The following RRS1 variants were observed in gnomAD, a reference collection of about 807,000 sequenced individuals.
RRS1 encodes regulator of ribosome synthesis 1, also known as ribosome biogenesis regulatory protein homolog.
Under a neutral mutation model 23.1 loss-of-function variants are expected in RRS1, and 10 were observed. The ratio of observed to expected loss-of-function variants is 0.43; its 90% CI spans 0.27 to 0.74. The LOEUF (loss-of-function observed/expected upper bound fraction) is 0.74, where lower values mean the gene tolerates loss of function less well. Ranked by LOEUF, RRS1 falls within the 30% of genes least tolerant of loss-of-function variation. The pLI, the probability that RRS1 is intolerant of heterozygous loss-of-function variation, is 0.19. For missense variants in RRS1, 485 were observed against 484.3 expected, an observed-to-expected ratio of 1.00 and a Z score of -0.01; for synonymous variants, 198 against 207.7, an observed-to-expected ratio of 0.95 and a Z score of 0.40.
chr8:66,429,559 G>C lies in RRS1; in HGVS notation c.428G>C (p.Arg143Pro), dbSNP rs756408282. ...WDEVSGQWRR[R>P]WGYQRARDDT... ...GAGGTGAGTGGCCAGTGGCGGCGGC[G>C]CTGGGGCTACCAGCGCGCCCGGGAC... is the stretch of plus-strand genomic sequence containing the variant. Residue 143 changes from arginine to proline, a missense_variant, in exon 1 of 1, where the codon CGC becomes CCC. Physicochemically the swap from Arg to Pro is moderately radical, Grantham distance 103. Coordinates refer to ENST00000320270, the MANE Select transcript of RRS1 (RefSeq NM_015169.4). The surrounding 1 kb of genome is among the most constrained non-coding windows in gnomAD (Gnocchi z 5.1). 8.7e-6 allele frequency: 14 copies of C among 1,608,512 alleles called. No homozygotes were observed. The African/African-American group carries it at 1.9e-4, about 22-fold the overall frequency.
Position 66,429,966 on chromosome 8 carries a change from A to G in RRS1, c.835A>G (p.Lys279Glu). 6.2e-7 allele frequency: 1 copy of G among 1,614,134 alleles called. No individual in the cohort carries two copies. Among genetic ancestry groups the G allele is most frequent in the Non-Finnish European group, 8.5e-7 (1 of 1,180,012 alleles). The change falls in exon 1 of 1, where the codon AAG becomes GAG. Residue 279 changes from lysine to glutamate, a missense_variant. Physicochemically the swap from Lys to Glu is moderately conservative, Grantham distance 56. Transcript: ENST00000320270. This position sits in a 1 kb window ranked among gnomAD's most constrained non-coding sequence, Gnocchi z 5.1. ...LELLRVMNSK[K>E]PQLDVTRATN... The stretch of plus-strand genomic sequence containing the variant: ...GCTGCTTCGTGTCATGAACAGCAAG[A>G]AGCCTCAGCTGGATGTGACTAGGGC...
rs1805198256 is a variant in RRS1, at chr8:66,430,230, T to G, written c.*1T>G. Reference sequence around the variant, plus strand: ...CCCAGGAGGAAAGAGGAGGAAGTAATAGTTTCTAACTGTCGGACCCGTCTG... The same window carrying G: ...CCCAGGAGGAAAGAGGAGGAAGTAAGAGTTTCTAACTGTCGGACCCGTCTG... On this transcript the variant is annotated 3_prime_UTR_variant, in exon 1 of 1. Coordinates refer to ENST00000320270, the MANE Select transcript of RRS1 (RefSeq NM_015169.4). 6.2e-7 allele frequency: 1 copy of G among 1,613,798 alleles called. No homozygotes were observed. Among genetic ancestry groups the G allele is most frequent in the African/African-American group, 1.3e-5 (1 of 74,872 alleles).
Position 66,430,352 on chromosome 8 carries a change from AGG to A in RRS1, c.*124_*125del. On this transcript the variant is annotated 3_prime_UTR_variant, in exon 1 of 1. Coordinates refer to ENST00000320270, the MANE Select transcript of RRS1 (RefSeq NM_015169.4). ...CTGCCTTCATTGAGTTTAAAGGGAC[AGG>A]ATTGCCCTTCCGTCAAGAAAGTATG... The A allele has an allele frequency of 9.7e-7, 1 of 1,034,324 alleles. No homozygotes were observed. Among genetic ancestry groups the A allele is most frequent in the Non-Finnish European group, 1.4e-6 (1 of 697,298 alleles). 64.1% of individuals were successfully genotyped at this position (1,034,324 alleles called of 1,614,324 possible).
At position 66,429,920 on chromosome 8, in the gene RRS1, C is replaced by G. The variant is rs947615308; in HGVS notation, c.789C>G (p.Ala263=). The G allele has an allele frequency of 1.9e-6, 3 of 1,613,936 alleles. No homozygotes were observed. The highest frequency in any genetic ancestry group is 2.5e-6 in the Non-Finnish European group (3 of 1,180,002). The change falls in exon 1 of 1, where the codon GCC becomes GCG. Residue 263 remains alanine, a synonymous_variant. Coordinates refer to ENST00000320270, the MANE Select transcript of RRS1 (RefSeq NM_015169.4). The surrounding 1 kb of genome is among the most constrained non-coding windows in gnomAD (Gnocchi z 5.1). The stretch of plus-strand genomic sequence containing the variant: ...AACCCCTTTTCGGGGACTTTGCAGC[C>G]GAGAAAAAGAACCAGTTGGAGCTGC... ...KFQPLFGDFA[A]EKKNQLELLR...
In RRS1 at chr8:66,429,042, G is replaced by A; in HGVS notation, c.-90G>A. ...TTCCGGATTGGGCATCCCGGCATCT[G>A]CACGTGGTTATGCTGCCGGAGTTTG... On this transcript the variant is annotated 5_prime_UTR_variant, in exon 1 of 1. Transcript: ENST00000320270. This position sits in a 1 kb window ranked among gnomAD's most constrained non-coding sequence, Gnocchi z 5.1. 2.7e-6 allele frequency: 4 copies of A among 1,503,544 alleles called. No homozygotes were observed. Among genetic ancestry groups the A allele is most frequent in the East Asian group, 4.6e-5 (2 of 43,516 alleles). 93.1% of individuals were successfully genotyped at this position (1,503,544 alleles called of 1,614,324 possible). A position where few individuals can be genotyped will look rare whatever the true frequency, so the allele number is the denominator to read the frequency against.
At position 66,429,423 on chromosome 8, in the gene RRS1, C is replaced by A. The variant is rs959600407; in HGVS notation, c.292C>A (p.Arg98Ser). Residue 98 changes from arginine (R) to serine (S), a missense_variant, in exon 1 of 1, where the codon CGC (arginine) becomes AGC (serine). Transcript: ENST00000320270. The surrounding 1 kb of genome is among the most constrained non-coding windows in gnomAD (Gnocchi z 5.1). ...IVARLPEPTT[R>S]LPREKPLPRP... ...GGCGCGGCTGCCGGAGCCCACCACA[C>A]GCCTGCCGCGAGAGAAGCCTCTGCC... The A allele has an allele frequency of 2.6e-6, 4 of 1,551,796 alleles. No homozygotes were observed. In the Admixed American group the frequency reaches 5.9e-5, roughly 23 times the overall value.
At position 66,429,267 on chromosome 8, in the gene RRS1, C is replaced by A. The variant is rs777583115; in HGVS notation, c.136C>A (p.Pro46Thr). 6.3e-7 allele frequency: 1 copy of A among 1,586,812 alleles called. No homozygotes were observed. Among genetic ancestry groups the A allele is most frequent in the South Asian group, 1.1e-5 (1 of 88,120 alleles). ...CAACCTGCTGGCGTCGGACCGGAAC[C>A]CCCCGACCGGGCTGCGGTGCGCCGG... is the stretch of plus-strand genomic sequence containing the variant. ...LGNLLASDRN[P>T]PTGLRCAGPT... Residue 46 changes from proline (P) to threonine (T), a missense_variant, in exon 1 of 1, where the codon CCC (proline) becomes ACC (threonine). By Grantham distance (38) the Pro-to-Thr change is conservative. Transcript: ENST00000320270. The surrounding 1 kb of genome is among the most constrained non-coding windows in gnomAD (Gnocchi z 5.1).
Position 66,429,021 on chromosome 8 carries a change from G to A in RRS1, c.-111G>A, listed in dbSNP as rs1434004681. 3.4e-6 allele frequency: 5 copies of A among 1,453,786 alleles called. No individual in the cohort carries two copies. The highest frequency in any genetic ancestry group is 4.6e-6 in the Non-Finnish European group (5 of 1,085,344). 90.1% of individuals were successfully genotyped at this position (1,453,786 alleles called of 1,614,324 possible). A position where few individuals can be genotyped will look rare whatever the true frequency, so the allele number is the denominator to read the frequency against. On this transcript the variant is annotated 5_prime_UTR_variant, in exon 1 of 1. Coordinates refer to ENST00000320270, the MANE Select transcript of RRS1 (RefSeq NM_015169.4). This position sits in a 1 kb window ranked among gnomAD's most constrained non-coding sequence, Gnocchi z 5.1. ...CTCCGGAAGCGAACCTTTCTTTTCC[G>A]GATTGGGCATCCCGGCATCTGCACG...
At position 66,429,723 on chromosome 8, in the gene RRS1, A is replaced by G. The variant is rs995866327; in HGVS notation, c.592A>G (p.Lys198Glu). ...NRLRNLARAH[K>E]MQLPSAAGLH... Reference sequence around the variant, plus strand: ...GCTGCGTAACCTGGCCCGCGCGCACAAGATGCAGCTGCCCAGCGCGGCCGG... The same window carrying G: ...GCTGCGTAACCTGGCCCGCGCGCACGAGATGCAGCTGCCCAGCGCGGCCGG... Residue 198 changes from lysine (K) to glutamate (E), a missense_variant, in exon 1 of 1, where the codon AAG becomes GAG. Coordinates refer to ENST00000320270, the MANE Select transcript of RRS1 (RefSeq NM_015169.4). This position sits in a 1 kb window ranked among gnomAD's most constrained non-coding sequence, Gnocchi z 5.1. 1 of 1,612,740 alleles carries G rather than the reference A, an allele frequency of 6.2e-7. No individual in the cohort carries two copies. The highest frequency in any genetic ancestry group is 8.5e-7 in the Non-Finnish European group (1 of 1,180,008).
At position 66,429,181 on chromosome 8, in the gene RRS1, A is replaced by G. The variant is rs1805164229; in HGVS notation, c.50A>G (p.Glu17Gly). 2 of 1,613,630 alleles carry G rather than the reference A, an allele frequency of 1.2e-6. No individual in the cohort carries two copies. Among genetic ancestry groups the G allele is most frequent in the Non-Finnish European group, 1.7e-6 (2 of 1,179,952 alleles). ...EELLAKAEQDEAEKLQRITVH... is the reference protein window; with the variant it reads ...EELLAKAEQDGAEKLQRITVH... ...CTGCTCGCAAAGGCAGAGCAGGACG[A>G]GGCAGAGAAGTTGCAACGCATCACG... Residue 17 changes from glutamate to glycine, a missense_variant, in exon 1 of 1, where the codon GAG becomes GGG. By Grantham distance (98) the Glu-to-Gly change is moderately conservative (BLOSUM62 -2). Transcript: ENST00000320270. This position sits in a 1 kb window ranked among gnomAD's most constrained non-coding sequence, Gnocchi z 5.1.
Position 66,429,985 on chromosome 8 carries a change from C to T in RRS1, c.854C>T (p.Thr285Ile). The change falls in exon 1 of 1, where the codon ACT becomes ATT. Residue 285 changes from threonine to isoleucine, a missense_variant. Physicochemically the swap from Thr to Ile is moderately conservative, Grantham distance 89 (BLOSUM62 -1). Coordinates refer to ENST00000320270, the MANE Select transcript of RRS1 (RefSeq NM_015169.4). The surrounding 1 kb of genome is among the most constrained non-coding windows in gnomAD (Gnocchi z 5.1). ...AGCAAGAAGCCTCAGCTGGATGTGA[C>T]TAGGGCCACCAATAAGCAGATGAGG... is the stretch of plus-strand genomic sequence containing the variant. ...MNSKKPQLDV[T>I]RATNKQMREE... The T allele has an allele frequency of 6.2e-7, 1 of 1,613,770 alleles. No homozygotes were observed. The highest frequency in any genetic ancestry group is 8.5e-7 in the Non-Finnish European group (1 of 1,179,924).
rs778385539 is a variant in RRS1, at chr8:66,429,091, C to A, written c.-41C>A. Reference sequence around the variant, plus strand: ...TGGGCCGCCACTGTAGGAAAAGTAACTTCAGCTGCAGCCCCAAAGCGAGTG... The same window carrying A: ...TGGGCCGCCACTGTAGGAAAAGTAAATTCAGCTGCAGCCCCAAAGCGAGTG... On this transcript the variant is annotated 5_prime_UTR_variant, in exon 1 of 1. Transcript: ENST00000320270. The surrounding 1 kb of genome is among the most constrained non-coding windows in gnomAD (Gnocchi z 5.1). The A allele has an allele frequency of 6.5e-5, 101 of 1,562,712 alleles. No individual in the cohort carries two copies. In the Admixed American group the frequency reaches 1.0e-3, roughly 16 times the overall value.
Position 66,430,120 on chromosome 8 carries a change from A to T in RRS1, c.989A>T (p.Gln330Leu). The T allele has an allele frequency of 6.2e-7, 1 of 1,613,726 alleles. No homozygotes were observed. The highest frequency in any genetic ancestry group is 8.5e-7 in the Non-Finnish European group (1 of 1,179,860). The change falls in exon 1 of 1, where the codon CAG (glutamine) becomes CTG (leucine). Residue 330 changes from glutamine (Q) to leucine (L), a missense_variant. Coordinates refer to ENST00000320270, the MANE Select transcript of RRS1 (RefSeq NM_015169.4). Reference sequence around the variant, plus strand: ...AAGAGGAAAGGGGGCCCGCCCAGCCAGGGAGGGAAGAGGAAAGGGGGCTTG... The same window carrying T: ...AAGAGGAAAGGGGGCCCGCCCAGCCTGGGAGGGAAGAGGAAAGGGGGCTTG... ...GGKRKGGPPS[Q>L]GGKRKGGLGG... is the part of the protein sequence containing the mutation.
In RRS1 at chr8:66,429,876, G is replaced by C. The variant is rs999684768; in HGVS notation, c.745G>C (p.Gly249Arg). The C allele has an allele frequency of 3.7e-6, 6 of 1,613,890 alleles. No individual in the cohort carries two copies. Among genetic ancestry groups the C allele is most frequent in the Non-Finnish European group, 5.1e-6 (6 of 1,180,022 alleles). The change falls in exon 1 of 1, where the codon GGC (glycine) becomes CGC (arginine). Residue 249 changes from glycine to arginine, a missense_variant. Physicochemically the swap from Gly to Arg is moderately radical, Grantham distance 125 (BLOSUM62 -2). Coordinates refer to ENST00000320270, the MANE Select transcript of RRS1 (RefSeq NM_015169.4). This position sits in a 1 kb window ranked among gnomAD's most constrained non-coding sequence, Gnocchi z 5.1. ...LPKEKVPRGSGKKRKFQPLFG... is the reference protein window; with the variant it reads ...LPKEKVPRGSRKKRKFQPLFG... Reference sequence around the variant, plus strand: ...CAAGGAGAAGGTGCCCCGGGGCTCCGGCAAGAAAAGGAAGTTTCAACCCCT... The same window carrying C: ...CAAGGAGAAGGTGCCCCGGGGCTCCCGCAAGAAAAGGAAGTTTCAACCCCT...
chr8:66,429,720 C>A lies in RRS1; in HGVS notation c.589C>A (p.His197Asn). ...LNRLRNLARA[H>N]KMQLPSAAGL... is the part of the protein sequence containing the mutation. ...CCGGCTGCGTAACCTGGCCCGCGCGCACAAGATGCAGCTGCCCAGCGCGGC... is the reference window on the plus strand; with the variant it reads ...CCGGCTGCGTAACCTGGCCCGCGCGAACAAGATGCAGCTGCCCAGCGCGGC... The change falls in exon 1 of 1, where the codon CAC (histidine) becomes AAC (asparagine). Residue 197 changes from histidine (H) to asparagine (N), a missense_variant. By Grantham distance (68) the His-to-Asn change is moderately conservative (BLOSUM62 1). Transcript: ENST00000320270. The surrounding 1 kb of genome is among the most constrained non-coding windows in gnomAD (Gnocchi z 5.1). 1 of 1,612,876 alleles carries A rather than the reference C, an allele frequency of 6.2e-7. No homozygotes were observed. The highest frequency in any genetic ancestry group is 8.5e-7 in the Non-Finnish European group (1 of 1,179,996).
chr8:66,429,863 G>T lies in RRS1; in HGVS notation c.732G>T (p.Val244=), dbSNP rs1419406367. Residue 244 remains valine, a synonymous_variant, in exon 1 of 1, where the codon GTG becomes GTT. Transcript: ENST00000320270. The surrounding 1 kb of genome is among the most constrained non-coding windows in gnomAD (Gnocchi z 5.1). ...AGGAGCGCCTCCCCAAGGAGAAGGTGCCCCGGGGCTCCGGCAAGAAAAGGA... is the reference window on the plus strand; with the variant it reads ...AGGAGCGCCTCCCCAAGGAGAAGGTTCCCCGGGGCTCCGGCAAGAAAAGGA... The part of the protein sequence containing the change: ...RFQERLPKEK[V]PRGSGKKRKF... The T allele has an allele frequency of 9.3e-6, 15 of 1,613,812 alleles. No individual in the cohort carries two copies. Among genetic ancestry groups the T allele is most frequent in the Middle Eastern group, 1.6e-4 (1 of 6,062 alleles).
chr8:66,429,605 T>A lies in RRS1; in HGVS notation c.474T>A (p.Ile158=). The change falls in exon 1 of 1, where the codon ATT becomes ATA. Residue 158 remains isoleucine, a synonymous_variant. Coordinates refer to ENST00000320270, the MANE Select transcript of RRS1 (RefSeq NM_015169.4). The surrounding 1 kb of genome is among the most constrained non-coding windows in gnomAD (Gnocchi z 5.1). ...GGGACGACACCAAAGAATGGCTGAT[T>A]GAGGTGCCCGGCAATGCCGACCCCT... ...RARDDTKEWL[I]EVPGNADPLE... 2 of 1,613,126 alleles carry A rather than the reference T, an allele frequency of 1.2e-6. No homozygotes were observed. The highest frequency in any genetic ancestry group is 8.5e-7 in the Non-Finnish European group (1 of 1,179,980).
rs770552649 is a variant in RRS1 at position 66,429,954 on chromosome 8, AT to A, written c.824del (p.Met275ArgfsTer10). ...GAACCAGTTGGAGCTGCTTCGTGTC[AT>A]GAACAGCAAGAAGCCTCAGCTGGAT... ...KKNQLELLRV[M>X]NSKKPQLDVT... On this transcript the variant is annotated frameshift_variant, in exon 1 of 1. Transcript: ENST00000320270. LOFTEE classifies it high-confidence loss of function. The surrounding 1 kb of genome is among the most constrained non-coding windows in gnomAD (Gnocchi z 5.1). 2 of 1,614,150 alleles carry A rather than the reference AT, an allele frequency of 1.2e-6. No homozygotes were observed. The highest frequency in any genetic ancestry group is 4.5e-5 in the East Asian group (2 of 44,876).
chr8:66,429,105 C>A lies in RRS1; in HGVS notation c.-27C>A. ...AGGAAAAGTAACTTCAGCTGCAGCC[C>A]CAAAGCGAGTGAGCCGAGCCGGAGC... On this transcript the variant is annotated 5_prime_UTR_variant, in exon 1 of 1. Coordinates refer to ENST00000320270, the MANE Select transcript of RRS1 (RefSeq NM_015169.4). The surrounding 1 kb of genome is among the most constrained non-coding windows in gnomAD (Gnocchi z 5.1). 6.3e-7 allele frequency: 1 copy of A among 1,584,840 alleles called. No individual in the cohort carries two copies. The highest frequency in any genetic ancestry group is 1.1e-5 in the South Asian group (1 of 87,820).
Sources: gnomAD v4.1 joint callset for allele counts on GRCh38, gnomAD v4.1.1 for gene constraint, Gnocchi (gnomAD v3.1) non-coding constraint, MANE v1.5 for transcripts, NCBI Gene and HGNC (gene_info 2026-07-23, HGNC 2026-07-21) for gene names.